GNAS: variants seen among roughly 807,000 people sequenced by gnomAD.
GNAS encodes the protein protein ALEX.
Under a neutral mutation model 54.5 loss-of-function variants are expected in GNAS, and 8 were observed. The observed-to-expected ratio is 0.15, with a 90% confidence interval of 0.09 to 0.26. The LOEUF is 0.26. GNAS is among the 10% of genes least tolerant of loss of function. The pLI, the probability that GNAS is intolerant of heterozygous loss-of-function variation, is 1.00. For missense variants in GNAS, 170 were observed against 529.8 expected (o/e 0.32, Z 6.67); for synonymous variants, 204 against 191.4 (o/e 1.07, Z -0.54).
Position 58,856,070 on chromosome 20 carries a change from G to A in GNAS, c.43+15184G>A, listed in dbSNP as rs2086490650. 1 of 181,466 alleles carries A rather than the reference G, an allele frequency of 5.5e-6. No homozygotes were observed. Among genetic ancestry groups the A allele is most frequent in the Non-Finnish European group, 1.2e-5 (1 of 86,116 alleles). The allele number at this position is 181,466 out of a possible 1,614,324, so 11.2% of individuals were successfully genotyped here. ...TAAGCGGGGCCCTTGGCCTGGGGGA[G>A]CGGGGAATCGCTTTTCGCCGGCCTC... On this transcript the variant is annotated intron_variant, in intron 1 of 12. Coordinates refer to the GNAS transcript ENST00000306090. The surrounding 1 kb of genome is among the most constrained non-coding windows in gnomAD (Gnocchi z 4.2).
upstream of GNAS, among the ~76,000 whole-genome samples, chr20:58,889,762 G>A (rs1297520745): frequency 1.4e-5 from 2 of 146,978 alleles, no homozygotes; most frequent in Admixed American, 6.6e-5. Flanking sequence ...GCAGCGCGGC[G>A]GGAACCGCAG....
chr20:58,910,361 G>A lies in GNAS; in HGVS notation c.998G>A (p.Arg333His), dbSNP rs1418870137. ...DATPEPGEDP[R>H]VTRAKYFIRD... ...ACTCCCGAGCCCGGAGAGGACCCAC[G>A]CGTGACCCGGGCCAAGTACTTCATT... Residue 333 changes from arginine to histidine, a missense_variant, in exon 12 of 13, where the codon CGC becomes CAC. This residue lies in a region of GNAS where 36 missense variants were observed against 223.0 expected (regional missense o/e 0.16). Transcript: ENST00000371085. This position sits in a 1 kb window ranked among gnomAD's most constrained non-coding sequence, Gnocchi z 5.8. 1 of 1,612,652 alleles carries A rather than the reference G, an allele frequency of 6.2e-7. No homozygotes were observed. Among genetic ancestry groups the A allele is most frequent in the Non-Finnish European group, 8.5e-7 (1 of 1,178,808 alleles).
At chr20:58,901,053 T>C (rs540154274) in intron 3 of GNAS, among the ~76,000 whole-genome samples, 2 of 152,382 alleles carry the variant, frequency 1.3e-5, no homozygotes, top group African/African-American at 4.8e-5. Flanking sequence ...ATACTTTCTC[T>C]TGCTGTATGC....
At chr20:58,851,543 T>C (rs1236650621) in intron 1 of GNAS, among the ~76,000 whole-genome samples, 1 of 152,194 alleles carries the variant, frequency 6.6e-6, no homozygotes, top group Non-Finnish European at 1.5e-5. Flanking sequence ...CCGAGTTTTA[T>C]GTGACCCCCT....
Position 58,891,629 on chromosome 20 carries a change from G to T in GNAS, c.-98G>T. 2.1e-6 allele frequency: 2 copies of T among 962,304 alleles called. No individual in the cohort carries two copies. Among genetic ancestry groups the T allele is most frequent in the Non-Finnish European group, 1.2e-6 (1 of 819,626 alleles). 59.6% of individuals were successfully genotyped at this position (962,304 alleles called of 1,614,324 possible). On this transcript the variant is annotated 5_prime_UTR_variant, in exon 1 of 13. Transcript: ENST00000371085. ...GAGGAGCCGAGCCCGCGCCCGGCCC[G>T]CCCGCCCGGCGCTGCCCCGGCCCTC... is the stretch of plus-strand genomic sequence containing the variant.
At chr20:58,844,920 G>T (rs894703623) in intron 1 of GNAS, among the ~76,000 whole-genome samples, 1 of 152,198 alleles carries the variant, frequency 6.6e-6, no homozygotes, top group Non-Finnish European at 1.5e-5. Context: ...CTGCTTTACA[G>T]TTGGTTGCAA....
intron 3 of GNAS, 126 bp downstream of exon 3, chr20:58,899,111 G>A: frequency 1.3e-6 from 1 of 797,696 alleles, no homozygotes; most frequent in South Asian, 1.4e-5. Flanking sequence ...CAGCCATATT[G>A]GCATACATTT....
chr20:58,890,699 TGGCGCCC>T (rs2089126997), upstream of GNAS: 1 of 150,936 alleles, frequency 6.6e-6, no homozygotes, highest in South Asian at 2.1e-4. Context: ...GCTCGGGCCA[TGGCGCCC>T]GGCGCCGGGG....
In GNAS at chr20:58,855,217, A is replaced by C. The variant is rs747620221; in HGVS notation, c.43+14331A>C. The stretch of plus-strand genomic sequence containing the variant: ...GAGAAGCGCAGACAGATGCGCAAAG[A>C]AGCCCTGGAGAAGCGGGCCCAGAAG... On this transcript the variant is annotated intron_variant, in intron 1 of 12. Coordinates refer to the GNAS transcript ENST00000306090. 11 of 1,599,120 alleles carry C rather than the reference A, an allele frequency of 6.9e-6. No individual in the cohort carries two copies. In the South Asian group the frequency reaches 1.0e-4, roughly 15 times the overall value.
chr20:58,892,110 C>T lies in GNAS; in HGVS notation c.139+245C>T, dbSNP rs2089458939. On this transcript the variant is annotated intron_variant, in intron 1 of 12. Transcript: ENST00000371085. ...CGGGCGCGGGTCCCCCTCCCCCGGCCTGCCCGCTCAGTGTCTCTCTCTTGC... is the reference window on the plus strand; with the variant it reads ...CGGGCGCGGGTCCCCCTCCCCCGGCTTGCCCGCTCAGTGTCTCTCTCTTGC... The T allele has an allele frequency of 5.2e-6, 5 of 969,956 alleles. No individual in the cohort carries two copies. In the South Asian group the frequency reaches 2.4e-4, roughly 46 times the overall value. 60.1% of individuals were successfully genotyped at this position (969,956 alleles called of 1,614,324 possible).
intron 1 of GNAS, among the ~76,000 whole-genome samples, chr20:58,877,998 G>A (rs969495632): frequency 1.8e-4 from 28 of 151,940 alleles, no homozygotes; most frequent in African/African-American, 5.8e-4. Context: ...CAGAGAGGGC[G>A]GAAAAAAAAC....
At chr20:58,896,632 AAAG>A (rs1441281684) in intron 2 of GNAS, among the ~76,000 whole-genome samples, 2 of 148,980 alleles carry the variant, frequency 1.3e-5, no homozygotes, top group African/African-American at 2.6e-5. Flanking sequence ...AAAAAAAAAA[AAAG>A]AAAAAGAAAA....
At chr20:58,866,857 A>ATAGAC (rs1471269326) in intron 1 of GNAS, among the ~76,000 whole-genome samples, 1 of 152,082 alleles carries the variant, frequency 6.6e-6, no homozygotes, top group Non-Finnish European at 1.5e-5. Context: ...AAATAAATAG[A>ATAGAC]TAGACAATGA....
chr20:58,904,382 C>T (rs2903070), intron 5 of GNAS, among the ~76,000 whole-genome samples: 152,094 of 152,372 alleles, frequency 1, 75,909 homozygotes, highest in East Asian at 1. Flanking sequence ...ATATCTAAAT[C>T]ATAACTCAAA....
intron 1 of GNAS, among the ~76,000 whole-genome samples, chr20:58,883,369 A>G (rs1258540309): frequency 6.6e-6 from 1 of 152,202 alleles, no homozygotes; most frequent in Admixed American, 6.5e-5. Context: ...GGCAACCGAA[A>G]AACAGGAATG....
At chr20:58,900,048 T>G (rs1169748963) in intron 3 of GNAS, 1 of 641,276 alleles carries the variant, frequency 1.6e-6, no homozygotes, top group African/African-American at 2.0e-5. Context: ...GAACTTCTAA[T>G]AAGAATACTA....
At position 58,909,827 on chromosome 20, in the gene GNAS, CCCTGCG is replaced by C. The variant is rs1569029761; in HGVS notation, c.839+25_839+30del. ...CAGGTTTGTGGAGTGACCGCCCACCCCCTGCGCTTGCCCAGGAGGCCCTGGTCTGCA... is the reference window on the plus strand; with the variant it reads ...CAGGTTTGTGGAGTGACCGCCCACCCCTTGCCCAGGAGGCCCTGGTCTGCA... On this transcript the variant is annotated intron_variant, in intron 10 of 12. Coordinates refer to ENST00000371085, the MANE Select transcript of GNAS (RefSeq NM_000516.7). The surrounding 1 kb of genome is among the most constrained non-coding windows in gnomAD (Gnocchi z 7.3). The C allele has an allele frequency of 6.2e-7, 1 of 1,612,856 alleles. No homozygotes were observed. Among genetic ancestry groups the C allele is most frequent in the Non-Finnish European group, 8.5e-7 (1 of 1,179,930 alleles).
intron 1 of GNAS, among the ~76,000 whole-genome samples, chr20:58,894,562 T>A (rs1460602667): frequency 6.6e-6 from 1 of 152,154 alleles, no homozygotes; most frequent in Admixed American, 6.5e-5. Flanking sequence ...GCAAAAAAAC[T>A]TCACACGTGG....
chr20:58,899,155 C>G (rs912617588), intron 3 of GNAS, among the ~76,000 whole-genome samples, 170 bp downstream of exon 3: 2 of 152,126 alleles, frequency 1.3e-5, no homozygotes, highest in Non-Finnish European at 2.9e-5. Flanking sequence ...CATTTTGGAG[C>G]AAGTAAAGTG....
Sources: gnomAD v4.1 joint callset for allele counts (sites outside exome capture counted in the v4.1 genomes callset) on GRCh38, gnomAD v4.1.1 for gene constraint, gnomAD v4.1.1 regional missense constraint, Gnocchi (gnomAD v3.1) non-coding constraint, MANE v1.5 for transcripts, NCBI Gene and HGNC (gene_info 2026-07-23, HGNC 2026-07-21) for gene names.